Variants in HERC3 observed in about 807,000 individuals in gnomAD.
HERC3 encodes HECT and RLD domain containing E3 ubiquitin protein ligase 3, also known as probable E3 ubiquitin-protein ligase HERC3.
Under a neutral mutation model 129.9 loss-of-function variants are expected in HERC3, and 58 were observed. The observed-to-expected ratio is 0.45, with a 90% CI of 0.36 to 0.56. The LOEUF (loss-of-function observed/expected upper bound fraction) is 0.56. Among genes scored for constraint, HERC3 ranks in the 20% least tolerant of loss-of-function variants. The pLI is 0.00. For missense variants in HERC3, 835 were observed against 1,244.2 expected (o/e 0.67, Z 4.95); for synonymous variants, 430 against 451.0 (o/e 0.95, Z 0.59).
At chr4:88,662,351 A>G (rs1023577129) in intron 10 of HERC3, 80 bp from the exon 11 acceptor site, 2 of 1,371,334 alleles carry the variant, frequency 1.5e-6, no homozygotes, top group Non-Finnish European at 2.0e-6. Flanking sequence ...CGTAAAATGG[A>G]GAATATGTGG....
At chr4:88,566,411 C>CT in the HERC3 span, among the ~76,000 whole-genome samples, 1 of 111,476 alleles carries the variant, frequency 9.0e-6, no homozygotes, top group African/African-American at 7.9e-5. Flanking sequence ...TAACTTCCTT[C>CT]CCCCCTTTGC....
chr4:88,536,574 T>C, the HERC3 span, among the ~76,000 whole-genome samples: 3 of 152,236 alleles, frequency 2.0e-5, no homozygotes, highest in Non-Finnish European at 4.4e-5. Flanking sequence ...ACCATGTGTA[T>C]TTTATTTCTT....
intron 4 of HERC3, 113 bp downstream of exon 4, chr4:88,650,112 A>C (rs1729116380): frequency 9.7e-7 from 1 of 1,032,176 alleles, no homozygotes; most frequent in Non-Finnish European, 1.4e-6. Context: ...CCTTTGCACC[A>C]CTCCTGTGCC....
Position 88,686,764 on chromosome 4 carries a change from G to C in HERC3, c.2536G>C (p.Gly846Arg), listed in dbSNP as rs751268419. 1.9e-6 allele frequency: 3 copies of C among 1,611,240 alleles called. No individual in the cohort carries two copies. The highest frequency in any genetic ancestry group is 1.1e-5 in the South Asian group (1 of 90,992). ...TCTCCAAGAGCTTTTAGATTACCCC[G>C]GGGAGGATGTGGAGGAGACTTTCTG... The part of the protein sequence containing the change: ...RSLQELLDYP[G>R]EDVEETFCLN... Residue 846 changes from glycine (G) to arginine (R), a missense_variant, in exon 22 of 26, where the codon GGG becomes CGG. Gly to Arg is a moderately radical substitution (Grantham distance 125, BLOSUM62 -2). Transcript: ENST00000402738.
upstream of HERC3, among the ~76,000 whole-genome samples, chr4:88,587,677 A>T (rs1444276484): frequency 6.6e-6 from 1 of 152,246 alleles, no homozygotes; most frequent in Non-Finnish European, 1.5e-5. Flanking sequence ...GATTTAGTAT[A>T]ACTTCAAAGG....
At chr4:88,697,665 G>C in intron 23 of HERC3, 2 of 1,612,842 alleles carry the variant, frequency 1.2e-6, no homozygotes, top group Non-Finnish European at 1.7e-6. Flanking sequence ...CCTGCGCACC[G>C]CCTTCCGCCA....
chr4:88,531,055 G>A, the HERC3 span, among the ~76,000 whole-genome samples: 1 of 152,018 alleles, frequency 6.6e-6, no homozygotes, highest in Non-Finnish European at 1.5e-5. Context: ...ATGGGGTTTT[G>A]CCATGTTGGG....
At chr4:88,693,882 G>GAATGAT (rs1327904343) in intron 23 of HERC3, among the ~76,000 whole-genome samples, 1 of 152,204 alleles carries the variant, frequency 6.6e-6, no homozygotes, top group African/African-American at 2.4e-5. Flanking sequence ...AATGGTTTAT[G>GAATGAT]AATGATAGTG....
chr4:88,691,493 G>A (rs1218240825), intron 23 of HERC3, among the ~76,000 whole-genome samples: 1 of 152,226 alleles, frequency 6.6e-6, no homozygotes, highest in Non-Finnish European at 1.5e-5. Context: ...CTTCCACGTT[G>A]CAGACTGCTG....
intron 3 of HERC3, among the ~76,000 whole-genome samples, chr4:88,613,387 G>A (rs1368666971): frequency 6.6e-6 from 1 of 152,168 alleles, no homozygotes; most frequent in African/African-American, 2.4e-5. Context: ...TTCGCACTTT[G>A]TATTCAGTCT....
At chr4:88,683,257 A>G (rs951243523) in intron 21 of HERC3, among the ~76,000 whole-genome samples, 5 of 152,180 alleles carry the variant, frequency 3.3e-5, no homozygotes, top group Non-Finnish European at 7.4e-5. Flanking sequence ...AAGTATATAA[A>G]AGGACAACTT....
At chr4:88,665,301 C>T (rs1473096199) in intron 12 of HERC3, among the ~76,000 whole-genome samples, 1 of 152,116 alleles carries the variant, frequency 6.6e-6, no homozygotes, top group Non-Finnish European at 1.5e-5. Flanking sequence ...AGTATAAGTC[C>T]AAAGGCCTGA....
the HERC3 span, among the ~76,000 whole-genome samples, chr4:88,560,189 AC>A: frequency 1.3e-5 from 2 of 151,960 alleles, no homozygotes; most frequent in Non-Finnish European, 2.9e-5. Context: ...CGAACTCCTG[AC>A]CTCAAGTGAT....
chr4:88,589,574 C>T (rs1000465997), upstream of HERC3, among the ~76,000 whole-genome samples: 14 of 151,888 alleles, frequency 9.2e-5, 1 homozygote, highest in African/African-American at 3.1e-4. Context: ...GTATATAGTA[C>T]GTTTGTTAGA....
intron 3 of HERC3, among the ~76,000 whole-genome samples, chr4:88,638,295 A>G (rs1169323679): frequency 6.6e-6 from 1 of 152,238 alleles, no homozygotes; most frequent in Non-Finnish European, 1.5e-5. Flanking sequence ...CAAAAAAAAG[A>G]AAATTTCAGG....
chr4:88,697,185 C>T, intron 23 of HERC3: 2 of 1,481,588 alleles, frequency 1.3e-6, no homozygotes, highest in Non-Finnish European at 1.8e-6. Context: ...TGGGCTTTCT[C>T]TTCATCCATC....
chr4:88,531,200 A>AT, the HERC3 span, among the ~76,000 whole-genome samples: 1 of 150,924 alleles, frequency 6.6e-6, no homozygotes, highest in African/African-American at 2.5e-5. Context: ...TAAAATTTAA[A>AT]ATTTTTTTAA....
At chr4:88,685,809 G>C (rs1306899929) in intron 21 of HERC3, among the ~76,000 whole-genome samples, 13 of 152,110 alleles carry the variant, frequency 8.5e-5, no homozygotes, top group Admixed American at 7.2e-4. Flanking sequence ...GTGAAAAAAA[G>C]TAAAGATGTG....
chr4:88,644,739 CA>C (rs920800144), intron 3 of HERC3, among the ~76,000 whole-genome samples: 4 of 151,654 alleles, frequency 2.6e-5, no homozygotes, highest in African/African-American at 7.3e-5. Context: ...ACTTATATAC[CA>C]AAAAAAGGTC....
Sources: gnomAD v4.1 joint callset for allele counts (sites outside exome capture counted in the v4.1 genomes callset) on GRCh38, gnomAD v4.1.1 for gene constraint, MANE v1.5 for transcripts, NCBI Gene and HGNC (gene_info 2026-07-23, HGNC 2026-07-21) for gene names.